CFAP299: variants seen among roughly 807,000 people sequenced by gnomAD.
CFAP299 encodes the protein cilia- and flagella-associated protein 299.
CFAP299 carries 21 observed loss-of-function variants against 27.0 expected under a neutral mutation model. That is an observed-to-expected ratio of 0.78 (90% CI 0.55 to 1.12). CFAP299 has a LOEUF of 1.12. Among genes scored for constraint, CFAP299 ranks in the 50% most tolerant of loss-of-function variants. The probability of loss-of-function intolerance (pLI) is 0.00; values close to 1 mark genes in which losing one functional copy is unlikely to be tolerated. For missense variants in CFAP299, 310 were observed against 276.6 expected (o/e 1.12, Z -0.86); for synonymous variants, 104 against 98.1 (o/e 1.06, Z -0.36).
chr4:80,353,732 C>T (rs367711667), intron 1 of CFAP299, among the ~76,000 whole-genome samples: 2 of 152,036 alleles, frequency 1.3e-5, no homozygotes, highest in South Asian at 2.1e-4. Context: ...ATCTGTGATA[C>T]GGTTGAAAGG....
chr4:80,812,542 G>C (rs1397771242), intron 3 of CFAP299, among the ~76,000 whole-genome samples: 1 of 152,084 alleles, frequency 6.6e-6, no homozygotes, highest in Non-Finnish European at 1.5e-5. Context: ...TACTTACTAA[G>C]TAATAATTGA....
chr4:80,540,374 T>G (rs1192181543), intron 2 of CFAP299, among the ~76,000 whole-genome samples: 2 of 152,216 alleles, frequency 1.3e-5, no homozygotes, highest in Non-Finnish European at 2.9e-5. Context: ...AGCTATTCTA[T>G]TGTTTGATGA....
intron 3 of CFAP299, among the ~76,000 whole-genome samples, chr4:80,639,339 G>A (rs1341958310): frequency 6.6e-6 from 1 of 152,146 alleles, no homozygotes; most frequent in Non-Finnish European, 1.5e-5. Context: ...ACCTCACAGA[G>A]GAAATGAAAT....
intron 2 of CFAP299, among the ~76,000 whole-genome samples, chr4:80,470,047 T>G (rs1172469053): frequency 6.6e-6 from 1 of 152,172 alleles, no homozygotes; most frequent in Non-Finnish European, 1.5e-5. Context: ...GTGTCCTCTC[T>G]GTGGTCATCA....
At chr4:80,728,111 T>C (rs982575819) in intron 3 of CFAP299, among the ~76,000 whole-genome samples, 1 of 151,722 alleles carries the variant, frequency 6.6e-6, no homozygotes, top group African/African-American at 2.4e-5. Flanking sequence ...TCCAACTGGG[T>C]TGGAAAAGAA....
intron 3 of CFAP299, among the ~76,000 whole-genome samples, chr4:80,854,555 C>A (rs1731714970): frequency 6.6e-6 from 1 of 151,624 alleles, no homozygotes; most frequent in African/African-American, 2.4e-5. Flanking sequence ...GCCATTATAA[C>A]AGGATGAAAG....
At chr4:80,560,591 A>G (rs544190298) in intron 2 of CFAP299, among the ~76,000 whole-genome samples, 106 of 152,006 alleles carry the variant, frequency 7.0e-4, no homozygotes, top group Non-Finnish European at 1.3e-3. Flanking sequence ...ACTGCCCTGA[A>G]AGGTGAGTCT....
At chr4:80,428,380 A>C (rs557216157) in intron 2 of CFAP299, among the ~76,000 whole-genome samples, 1 of 152,308 alleles carries the variant, frequency 6.6e-6, no homozygotes, top group South Asian at 2.1e-4. Flanking sequence ...AGTAATCTGC[A>C]CCTCCACCTT....
chr4:80,443,060 A>G (rs1254603974), intron 2 of CFAP299, among the ~76,000 whole-genome samples: 1 of 152,206 alleles, frequency 6.6e-6, no homozygotes, highest in Admixed American at 6.5e-5. Flanking sequence ...TACCAAACAA[A>G]AAGAGCCCAG....
chr4:80,567,230 A>C (rs1735345580), intron 2 of CFAP299, among the ~76,000 whole-genome samples: 2 of 151,906 alleles, frequency 1.3e-5, no homozygotes, highest in African/African-American at 4.8e-5. Context: ...TTTACTGTAC[A>C]TTTGATAATT....
At chr4:80,649,980 A>AT (rs922332722) in intron 3 of CFAP299, among the ~76,000 whole-genome samples, 1 of 151,678 alleles carries the variant, frequency 6.6e-6, no homozygotes, top group African/African-American at 2.4e-5. Flanking sequence ...ATTTTATTTT[A>AT]TTTTTTTTCA....
At chr4:80,898,662 C>T (rs1252446623) in intron 4 of CFAP299, among the ~76,000 whole-genome samples, 1 of 151,964 alleles carries the variant, frequency 6.6e-6, no homozygotes, top group African/African-American at 2.4e-5. Context: ...CATGGGAAAA[C>T]CCAGCTGTAA....
intron 4 of CFAP299, among the ~76,000 whole-genome samples, chr4:80,926,889 T>A (rs574690343): frequency 7.9e-5 from 12 of 152,140 alleles, no homozygotes; most frequent in Non-Finnish European, 1.2e-4. Flanking sequence ...AGGAGATATG[T>A]CAGATGGCAA....
At chr4:80,631,340 A>C (rs772328960) in intron 3 of CFAP299, among the ~76,000 whole-genome samples, 1 of 152,094 alleles carries the variant, frequency 6.6e-6, no homozygotes, top group Non-Finnish European at 1.5e-5. Context: ...TATAAATTGT[A>C]TGAGAGTCAG....
At chr4:80,958,810 G>A (rs1431264749) in intron 5 of CFAP299, among the ~76,000 whole-genome samples, 1 of 152,130 alleles carries the variant, frequency 6.6e-6, no homozygotes, top group African/African-American at 2.4e-5. Flanking sequence ...TCTAACCAAT[G>A]TCAGCTCAGC....
chr4:80,602,093 GA>G (rs1367912117), intron 3 of CFAP299, among the ~76,000 whole-genome samples: 2 of 152,058 alleles, frequency 1.3e-5, no homozygotes, highest in African/African-American at 4.8e-5. Flanking sequence ...AGAGGATCAG[GA>G]AAAATTAACT....
intron 4 of CFAP299, among the ~76,000 whole-genome samples, chr4:80,894,208 A>G (rs889493504): frequency 2.6e-5 from 4 of 152,018 alleles, no homozygotes; most frequent in African/African-American, 7.2e-5. Flanking sequence ...TTAAAAAGAC[A>G]AAAGATTTTT....
intron 3 of CFAP299, among the ~76,000 whole-genome samples, chr4:80,642,301 C>T (rs372390227): frequency 1.3e-5 from 2 of 152,076 alleles, no homozygotes; most frequent in Admixed American, 6.6e-5. Flanking sequence ...TTCTGAATAT[C>T]CTGGTTGTTA....
intron 4 of CFAP299, among the ~76,000 whole-genome samples, chr4:80,935,770 T>C (rs1736858503): frequency 6.6e-6 from 1 of 151,994 alleles, no homozygotes; most frequent in Admixed American, 6.6e-5. Context: ...ATCAATAGAG[T>C]AAACAGGCAA....
Sources: allele counts gnomAD v4.1 joint callset (sites outside exome capture counted in the v4.1 genomes callset), GRCh38; gene constraint gnomAD v4.1.1; transcripts MANE v1.5; gene names NCBI Gene and HGNC (gene_info 2026-07-23, HGNC 2026-07-21).